The following ZSWIM1 variants were observed in gnomAD, a reference collection of about 807,000 sequenced individuals.
ZSWIM1 encodes zinc finger SWIM domain-containing protein 1.
A neutral mutation model predicts 29.3 loss-of-function variants in ZSWIM1; 22 were observed. The ratio of observed to expected loss-of-function variants is 0.75; its 90% CI spans 0.54 to 1.07. The LOEUF (loss-of-function observed/expected upper bound fraction) is 1.07, where lower values mean the gene tolerates loss of function less well. Ranked by LOEUF, ZSWIM1 falls within the 50% of genes least tolerant of loss-of-function variation. The pLI is 0.00. For missense variants in ZSWIM1, 511 were observed against 596.2 expected, an observed-to-expected ratio of 0.86 and a Z score of 1.49; for synonymous variants, 228 against 240.8, an observed-to-expected ratio of 0.95 and a Z score of 0.49.
Position 45,884,315 on chromosome 20 carries a change from G to A in ZSWIM1, c.*265G>A, listed in dbSNP as rs1986408594. 1 of 380,168 alleles carries A rather than the reference G, an allele frequency of 2.6e-6. No individual in the cohort carries two copies. Among genetic ancestry groups the A allele is most frequent in the Non-Finnish European group, 4.8e-6 (1 of 206,680 alleles). The allele number at this position is 380,168 out of a possible 1,614,324, so 23.5% of individuals were successfully genotyped here. A position where few individuals can be genotyped will look rare whatever the true frequency, so the allele number is the denominator to read the frequency against. On this transcript the variant is annotated 3_prime_UTR_variant, in exon 2 of 2. Coordinates refer to ENST00000372523, the MANE Select transcript of ZSWIM1 (RefSeq NM_080603.5). Reference sequence around the variant, plus strand: ...TAGTTTACTCAGGTGGCCACATACAGTCTCTGTTGTATATTCTTGGTTTTG... The same window carrying A: ...TAGTTTACTCAGGTGGCCACATACAATCTCTGTTGTATATTCTTGGTTTTG...
chr20:45,882,969 C>A lies in ZSWIM1; in HGVS notation c.377C>A (p.Ala126Asp). 1 of 1,614,170 alleles carries A rather than the reference C, an allele frequency of 6.2e-7. No homozygotes were observed. ...IPAKEDTEGLAQMFQVFKKFN... is the reference protein window; with the variant it reads ...IPAKEDTEGLDQMFQVFKKFN... ...GCCAAGGAGGACACTGAAGGCCTGGCCCAGATGTTCCAAGTATTCAAGAAG... is the reference window on the plus strand; with the variant it reads ...GCCAAGGAGGACACTGAAGGCCTGGACCAGATGTTCCAAGTATTCAAGAAG... The change falls in exon 2 of 2, where the codon GCC (alanine) becomes GAC (aspartate). Residue 126 changes from alanine (A) to aspartate (D), a missense_variant. By Grantham distance (126) the Ala-to-Asp change is moderately radical. Transcript: ENST00000372523.
rs1290345634 is a variant in ZSWIM1 at position 45,882,566 on chromosome 20, G to A, written c.-27G>A. ...TTGGAAAAAAGATCTGGGAATGATT[G>A]TCTAGCCTCCAGCCTCAACTTACTT... On this transcript the variant is annotated 5_prime_UTR_variant, in exon 2 of 2. Transcript: ENST00000372523. The A allele has an allele frequency of 4.4e-6, 7 of 1,593,244 alleles. No individual in the cohort carries two copies. Among genetic ancestry groups the A allele is most frequent in the Non-Finnish European group, 6.0e-6 (7 of 1,169,782 alleles).
Position 45,882,829 on chromosome 20 carries a change from A to G in ZSWIM1, c.237A>G (p.Leu79=), listed in dbSNP as rs1224923644. ...QSVFDHFPEI[L]FIHRTYNPRG... is the part of the protein sequence containing the mutation. Reference sequence around the variant, plus strand: ...TCTTTGACCATTTCCCTGAGATCTTATTTATCCACCGGACCTATAACCCAA... The same window carrying G: ...TCTTTGACCATTTCCCTGAGATCTTGTTTATCCACCGGACCTATAACCCAA... The change falls in exon 2 of 2, where the codon TTA becomes TTG. Residue 79 remains leucine (L), a synonymous_variant. Coordinates refer to ENST00000372523, the MANE Select transcript of ZSWIM1 (RefSeq NM_080603.5). The G allele has an allele frequency of 1.2e-6, 2 of 1,614,076 alleles. No individual in the cohort carries two copies. Among genetic ancestry groups the G allele is most frequent in the African/African-American group, 1.3e-5 (1 of 74,916 alleles).
intron 1 of ZSWIM1, among the ~76,000 whole-genome samples, chr20:45,882,195 C>T (rs1447390425): frequency 6.6e-6 from 1 of 152,160 alleles, no homozygotes; most frequent in East Asian, 1.9e-4. Context: ...CTGGCCATAC[C>T]TATTTAAATC....
At chr20:45,881,591 A>C (rs1319767662) in intron 1 of ZSWIM1, among the ~76,000 whole-genome samples, 2 of 152,150 alleles carry the variant, frequency 1.3e-5, no homozygotes, top group African/African-American at 4.8e-5. Context: ...GAGGACAGTA[A>C]CTCGGTCTGG....
upstream of ZSWIM1, chr20:45,881,151 A>C (rs1037951282): frequency 6.6e-6 from 1 of 152,376 alleles, no homozygotes; most frequent in African/African-American, 2.4e-5. Flanking sequence ...AATTCCTCAG[A>C]CATTGGTCCG....
chr20:45,882,927 T>G lies in ZSWIM1; in HGVS notation c.335T>G (p.Val112Gly). The change falls in exon 2 of 2, where the codon GTC becomes GGC. Residue 112 changes from valine (V) to glycine (G), a missense_variant. Physicochemically the swap from Val to Gly is moderately radical, Grantham distance 109. Coordinates refer to ENST00000372523, the MANE Select transcript of ZSWIM1 (RefSeq NM_080603.5). ...CTGGAGGGTCATCTTGCCCGAGCAG[T>G]CTACTTTGCCATCCCTGCCAAGGAG... ...VQLEGHLARA[V>G]YFAIPAKEDT... 1 of 1,614,172 alleles carries G rather than the reference T, an allele frequency of 6.2e-7. No individual in the cohort carries two copies. The highest frequency in any genetic ancestry group is 8.5e-7 in the Non-Finnish European group (1 of 1,180,026).
Position 45,884,603 on chromosome 20 carries a change from C to T in ZSWIM1, c.*553C>T. ...GGTCTCGATCTCCTGACTTCGTGAT[C>T]TGCCCGCCTCGGCCTCCCAAAGTGC... On this transcript the variant is annotated 3_prime_UTR_variant, in exon 2 of 2. Coordinates refer to ENST00000372523, the MANE Select transcript of ZSWIM1 (RefSeq NM_080603.5). The T allele has an allele frequency of 6.0e-6, 1 of 166,806 alleles. No homozygotes were observed. Among genetic ancestry groups the T allele is most frequent in the Admixed American group, 6.5e-5 (1 of 15,290 alleles). The allele number at this position is 166,806 out of a possible 1,614,324, so 10.3% of individuals were successfully genotyped here. A position where few individuals can be genotyped will look rare whatever the true frequency, so the allele number is the denominator to read the frequency against.
rs1986430563 is a variant in ZSWIM1, at chr20:45,884,886, C to T, written c.*836C>T. On this transcript the variant is annotated 3_prime_UTR_variant, in exon 2 of 2. Transcript: ENST00000372523. The stretch of plus-strand genomic sequence containing the variant: ...ATTAGCCAGGTGTGGTGGCGGGGGC[C>T]CTGTAATCCCAGCTACTCGGGAGGC... 1 of 164,892 alleles carries T rather than the reference C, an allele frequency of 6.1e-6. No homozygotes were observed. Among genetic ancestry groups the T allele is most frequent in the African/African-American group, 2.4e-5 (1 of 41,374 alleles). The allele number at this position is 164,892 out of a possible 1,614,324, so 10.2% of individuals were successfully genotyped here. A position where few individuals can be genotyped will look rare whatever the true frequency, so the allele number is the denominator to read the frequency against.
At position 45,882,589 on chromosome 20, in the gene ZSWIM1, C is replaced by T. The variant is rs1674034529; in HGVS notation, c.-4C>T. On this transcript the variant is annotated 5_prime_UTR_variant, in exon 2 of 2. Coordinates refer to ENST00000372523, the MANE Select transcript of ZSWIM1 (RefSeq NM_080603.5). ...TTGTCTAGCCTCCAGCCTCAACTTA[C>T]TTGATGCTTGAGAGACTCAAAGCCC... 1 of 1,608,404 alleles carries T rather than the reference C, an allele frequency of 6.2e-7. No individual in the cohort carries two copies. Among genetic ancestry groups the T allele is most frequent in the Non-Finnish European group, 8.5e-7 (1 of 1,176,952 alleles).
Position 45,883,826 on chromosome 20 carries a change from A to G in ZSWIM1, c.1234A>G (p.Met412Val). 1.2e-6 allele frequency: 2 copies of G among 1,613,626 alleles called. No homozygotes were observed. The highest frequency in any genetic ancestry group is 1.1e-5 in the South Asian group (1 of 91,080). The change falls in exon 2 of 2, where the codon ATG (methionine) becomes GTG (valine). Residue 412 changes from methionine to valine, a missense_variant. Met to Val is a conservative substitution (Grantham distance 21). Transcript: ENST00000372523. ...SARRQVLQPD[M>V]LPAQWTAGCA... is the part of the protein sequence containing the mutation. Reference sequence around the variant, plus strand: ...CCGCCGCCAGGTGCTCCAGCCCGACATGCTGCCGGCTCAGTGGACGGCAGG... The same window carrying G: ...CCGCCGCCAGGTGCTCCAGCCCGACGTGCTGCCGGCTCAGTGGACGGCAGG...
At position 45,883,306 on chromosome 20, in the gene ZSWIM1, C is replaced by T; in HGVS notation, c.714C>T (p.Arg238=). The change falls in exon 2 of 2, where the codon CGC becomes CGT. Residue 238 remains arginine, a synonymous_variant. Coordinates refer to ENST00000372523, the MANE Select transcript of ZSWIM1 (RefSeq NM_080603.5). The part of the protein sequence containing the change: ...ELHSHWLLND[R]IWLAHRWRSR... ...ACTCACACTGGCTGCTCAACGACCG[C>T]ATCTGGCTGGCTCACCGCTGGAGAA... 1.2e-6 allele frequency: 2 copies of T among 1,614,102 alleles called. No individual in the cohort carries two copies. The highest frequency in any genetic ancestry group is 1.7e-6 in the Non-Finnish European group (2 of 1,180,042).
In ZSWIM1 at chr20:45,882,465, A is replaced by G. The variant is rs369347851; in HGVS notation, c.-60-68A>G. 2.1e-4 allele frequency: 243 copies of G among 1,145,276 alleles called. 2 individuals carry two copies. The African/African-American group carries it at 3.4e-3, about 16-fold the overall frequency. The allele number at this position is 1,145,276 out of a possible 1,614,324, so 70.9% of individuals were successfully genotyped here. A position where few individuals can be genotyped will look rare whatever the true frequency, so the allele number is the denominator to read the frequency against. On this transcript the variant is annotated intron_variant, in intron 1 of 1. Coordinates refer to ENST00000372523, the MANE Select transcript of ZSWIM1 (RefSeq NM_080603.5). ...GACATATAGTAAGTGTTCAACAAAT[A>G]TTGTGTGGATGAATAATTGAAGAGC...
Position 45,882,684 on chromosome 20 carries a change from C to T in ZSWIM1, c.92C>T (p.Ala31Val). The change falls in exon 2 of 2, where the codon GCC becomes GTC. Residue 31 changes from alanine (A) to valine (V), a missense_variant. Coordinates refer to ENST00000372523, the MANE Select transcript of ZSWIM1 (RefSeq NM_080603.5). ...GIWTAPISPM[A>V]LTMLNGLLIK... ...TGGACAGCTCCCATCTCTCCCATGGCCCTGACAATGCTGAATGGGCTCCTG... is the reference window on the plus strand; with the variant it reads ...TGGACAGCTCCCATCTCTCCCATGGTCCTGACAATGCTGAATGGGCTCCTG... The T allele has an allele frequency of 6.2e-7, 1 of 1,614,226 alleles. No individual in the cohort carries two copies. The highest frequency in any genetic ancestry group is 8.5e-7 in the Non-Finnish European group (1 of 1,180,046).
intron 1 of ZSWIM1, among the ~76,000 whole-genome samples, chr20:45,882,097 C>T (rs1986280686): frequency 6.6e-6 from 1 of 152,220 alleles, no homozygotes; most frequent in Admixed American, 6.5e-5. Flanking sequence ...GTTATCTGCC[C>T]ACCTTGGCCT....
Position 45,883,496 on chromosome 20 carries a change from G to T in ZSWIM1, c.904G>T (p.Ala302Ser). ...DKANFNQGLCAQNNHAPSDTI... is the reference protein window; with the variant it reads ...DKANFNQGLCSQNNHAPSDTI... ...GGCAAACTTCAACCAGGGCCTGTGT[G>T]CCCAGAACAATCATGCTCCCTCAGA... The change falls in exon 2 of 2, where the codon GCC becomes TCC. Residue 302 changes from alanine (A) to serine (S), a missense_variant. Physicochemically the swap from Ala to Ser is moderately conservative, Grantham distance 99. Coordinates refer to ENST00000372523, the MANE Select transcript of ZSWIM1 (RefSeq NM_080603.5). 6.2e-7 allele frequency: 1 copy of T among 1,614,220 alleles called. No individual in the cohort carries two copies. Among genetic ancestry groups the T allele is most frequent in the Admixed American group, 1.7e-5 (1 of 60,022 alleles).
chr20:45,882,955 C>T lies in ZSWIM1; in HGVS notation c.363C>T (p.Asp121=). 1 of 1,614,170 alleles carries T rather than the reference C, an allele frequency of 6.2e-7. No individual in the cohort carries two copies. Among genetic ancestry groups the T allele is most frequent in the Non-Finnish European group, 8.5e-7 (1 of 1,180,020 alleles). Residue 121 remains aspartate, a synonymous_variant, in exon 2 of 2, where the codon GAC becomes GAT. Transcript: ENST00000372523. ...AVYFAIPAKE[D]TEGLAQMFQV... is the part of the protein sequence containing the mutation. ...ACTTTGCCATCCCTGCCAAGGAGGA[C>T]ACTGAAGGCCTGGCCCAGATGTTCC...
At position 45,883,334 on chromosome 20, in the gene ZSWIM1, C is replaced by T. The variant is rs1380383110; in HGVS notation, c.742C>T (p.Arg248Ter). ...RIWLAHRWRSRAESSHYFQSL... is the reference protein window; with the variant it reads ...RIWLAHRWRS ...CTGGCTGGCTCACCGCTGGAGAAGC[C>T]GAGCTGAGAGCAGCCACTACTTCCA... Residue 248 changes from arginine (R) to a stop codon, truncating the protein, a stop_gained, in exon 2 of 2, where the codon CGA becomes TGA. Transcript: ENST00000372523. LOFTEE classifies it high-confidence loss of function. 6 of 1,614,046 alleles carry T rather than the reference C, an allele frequency of 3.7e-6. No individual in the cohort carries two copies. Among genetic ancestry groups the T allele is most frequent in the Non-Finnish European group, 5.1e-6 (6 of 1,180,060 alleles).
chr20:45,882,928 C>T lies in ZSWIM1; in HGVS notation c.336C>T (p.Val112=). Residue 112 remains valine, a synonymous_variant, in exon 2 of 2, where the codon GTC becomes GTT. Transcript: ENST00000372523. ...VQLEGHLARA[V]YFAIPAKEDT... ...TGGAGGGTCATCTTGCCCGAGCAGT[C>T]TACTTTGCCATCCCTGCCAAGGAGG... 6.2e-7 allele frequency: 1 copy of T among 1,614,180 alleles called. No homozygotes were observed. Among genetic ancestry groups the T allele is most frequent in the Non-Finnish European group, 8.5e-7 (1 of 1,180,038 alleles).
Sources: allele counts gnomAD v4.1 joint callset (sites outside exome capture counted in the v4.1 genomes callset), GRCh38; gene constraint gnomAD v4.1.1; transcripts MANE v1.5; gene names NCBI Gene and HGNC (gene_info 2026-07-23, HGNC 2026-07-21).